PKIB: variants seen among roughly 807,000 people sequenced by gnomAD.
PKIB encodes the protein cAMP-dependent protein kinase inhibitor beta, also known as PKI-beta.
A neutral mutation model predicts 4.5 loss-of-function variants in PKIB; 2 were observed. The observed-to-expected ratio is 0.44, with a 90% CI of 0.18 to 1.39. The LOEUF (loss-of-function observed/expected upper bound fraction) is 1.39, where lower values mean the gene tolerates loss of function less well. Among genes scored for constraint, PKIB ranks in the 40% most tolerant of loss-of-function variants. The pLI is 0.27. For missense variants in PKIB, 94 were observed against 92.6 expected (o/e 1.02, Z -0.06); for synonymous variants, 38 against 36.0 (o/e 1.06, Z -0.20).
At chr6:122,509,700 G>A (rs1252727472) in intron 2 of PKIB, among the ~76,000 whole-genome samples, 2 of 152,008 alleles carry the variant, frequency 1.3e-5, no homozygotes, top group African/African-American at 4.8e-5. Context: ...CAAAGTGCTG[G>A]GATTACAGGT....
In PKIB at chr6:122,660,726, T is replaced by G. The variant is rs566854428; in HGVS notation, c.-75-14352T>G. Among the ~76,000 whole-genome samples the G allele has an allele frequency of 1.1e-4, 17 of 152,306 alleles. No individual in the cohort carries two copies. The East Asian group carries it at 3.3e-3, about 29-fold the overall frequency. On this transcript the variant is annotated intron_variant, in intron 2 of 4. Coordinates refer to ENST00000368452, the MANE Select transcript of PKIB (RefSeq NM_181795.3). The stretch of plus-strand genomic sequence containing the variant: ...CTAAAGGATTAAGCTAAAATGATCA[T>G]GTTTATTATTAAGCAACCAAAGGAA...
rs370367632 is a variant in PKIB at position 122,590,673 on chromosome 6, G to T, written c.-161+4666G>T. The stretch of plus-strand genomic sequence containing the variant: ...GTGAATATAGACACCAAAGATATGA[G>T]AATTTTATCTCCATAGTGCATTTTT... On this transcript the variant is annotated intron_variant, in intron 3 of 6. Transcript: ENST00000392491. 7.9e-5 allele frequency among the ~76,000 whole-genome samples: 12 copies of T among 152,270 alleles called. No individual in the cohort carries two copies. In the South Asian group the frequency reaches 2.3e-3, roughly 29 times the overall value.
chr6:122,513,837 T>G (rs1341391150), intron 2 of PKIB, among the ~76,000 whole-genome samples: 1 of 152,220 alleles, frequency 6.6e-6, no homozygotes, highest in Admixed American at 6.5e-5. Context: ...TGCATAGTAT[T>G]GCATAGTGTA....
At chr6:122,522,134 T>C (rs1462402294) in intron 2 of PKIB, among the ~76,000 whole-genome samples, 3 of 133,668 alleles carry the variant, frequency 2.2e-5, no homozygotes, top group African/African-American at 5.2e-5. Context: ...GAACAGCAAG[T>C]AATAAGTCAT....
chr6:122,501,079 A>G (rs562644382), intron 2 of PKIB, among the ~76,000 whole-genome samples: 14 of 152,212 alleles, frequency 9.2e-5, no homozygotes, highest in African/African-American at 3.1e-4. Flanking sequence ...GTCAAACCAT[A>G]TCATTCTGCC....
intron 3 of PKIB, among the ~76,000 whole-genome samples, chr6:122,591,026 A>C (rs1774002758): frequency 6.6e-6 from 1 of 152,006 alleles, no homozygotes; most frequent in South Asian, 2.1e-4. Context: ...TTTTTTAAAA[A>C]AAAAAACAGA....
chr6:122,660,734 A>T (rs930596217), intron 2 of PKIB, among the ~76,000 whole-genome samples: 3 of 152,220 alleles, frequency 2.0e-5, no homozygotes, highest in Non-Finnish European at 4.4e-5. Context: ...CATGTTTATT[A>T]TTAAGCAACC....
intron 2 of PKIB, among the ~76,000 whole-genome samples, chr6:122,529,845 C>T (rs573275358): frequency 5.9e-5 from 9 of 151,996 alleles, no homozygotes; most frequent in African/African-American, 2.2e-4. Flanking sequence ...TCTCTTTTTT[C>T]CTTTCTGTGT....
At chr6:122,604,845 G>T (rs945386416) in intron 3 of PKIB, among the ~76,000 whole-genome samples, 1 of 152,146 alleles carries the variant, frequency 6.6e-6, no homozygotes, top group African/African-American at 2.4e-5. Flanking sequence ...GATCAGGAGT[G>T]GGGAGAGACA....
At chr6:122,679,865 G>A (rs1179143786) in intron 3 of PKIB, among the ~76,000 whole-genome samples, 1 of 152,190 alleles carries the variant, frequency 6.6e-6, no homozygotes, top group Non-Finnish European at 1.5e-5. Flanking sequence ...GAACTCCAAA[G>A]AAGTGGAAGC....
intron 2 of PKIB, among the ~76,000 whole-genome samples, chr6:122,486,372 C>T (rs1213057390): frequency 6.6e-6 from 1 of 152,022 alleles, no homozygotes; most frequent in Non-Finnish European, 1.5e-5. Flanking sequence ...ATTATTTGTT[C>T]TCTTGTTTTG....
chr6:122,492,709 C>T (rs1002846516), intron 2 of PKIB, among the ~76,000 whole-genome samples: 1 of 151,048 alleles, frequency 6.6e-6, no homozygotes, highest in Non-Finnish European at 1.5e-5. Flanking sequence ...GTAATTTAAG[C>T]ATAAGAGGTT....
intron 2 of PKIB, among the ~76,000 whole-genome samples, chr6:122,657,670 CT>C (rs1776826551): frequency 6.6e-6 from 1 of 152,174 alleles, no homozygotes; most frequent in Non-Finnish European, 1.5e-5. Context: ...TGGAATCTTT[CT>C]TACATTGATA....
chr6:122,483,583 T>G (rs1775686237), intron 2 of PKIB: 1 of 152,188 alleles, frequency 6.6e-6, no homozygotes. Flanking sequence ...TACCCAGAGA[T>G]GAGTAACTCA....
At chr6:122,719,131 G>T (rs1378345876) in intron 4 of PKIB, among the ~76,000 whole-genome samples, 1 of 152,056 alleles carries the variant, frequency 6.6e-6, no homozygotes, top group Non-Finnish European at 1.5e-5. Flanking sequence ...GGTAGAGAAG[G>T]CAATTACTTG....
Position 122,671,031 on chromosome 6 carries a change from C to T in PKIB, c.-75-4047C>T, listed in dbSNP as rs764064160. 6.6e-4 allele frequency among the ~76,000 whole-genome samples: 101 copies of T among 152,252 alleles called. 3 individuals are homozygous for T. The highest frequency in any genetic ancestry group is 3.4e-3 in the Middle Eastern group (1 of 294). On this transcript the variant is annotated intron_variant, in intron 2 of 4. Coordinates refer to ENST00000368452, the MANE Select transcript of PKIB (RefSeq NM_181795.3). ...TGAAGAGGCCAGGCGCGGTGGCTCA[C>T]GCCTGTAATCCCAGCACTTTGGGAG...
At chr6:122,588,594 A>C (rs1773923367) in intron 3 of PKIB, among the ~76,000 whole-genome samples, 1 of 152,168 alleles carries the variant, frequency 6.6e-6, no homozygotes, top group Non-Finnish European at 1.5e-5. Context: ...AGACCAATGG[A>C]ACAGAATTTT....
At chr6:122,525,558 A>C (rs893915177) in intron 2 of PKIB, among the ~76,000 whole-genome samples, 2 of 152,226 alleles carry the variant, frequency 1.3e-5, no homozygotes, top group Non-Finnish European at 2.9e-5. Context: ...ACAACGAAGC[A>C]AGTCACAGAT....
intron 2 of PKIB, among the ~76,000 whole-genome samples, chr6:122,506,182 TG>T (rs1562232694): frequency 6.6e-6 from 1 of 152,174 alleles, no homozygotes; most frequent in Non-Finnish European, 1.5e-5. Flanking sequence ...GTAACACAGA[TG>T]TTTTTTCACC....
Sources: allele counts gnomAD v4.1 joint callset (sites outside exome capture counted in the v4.1 genomes callset), GRCh38; gene constraint gnomAD v4.1.1; transcripts MANE v1.5; gene names NCBI Gene and HGNC (gene_info 2026-07-23, HGNC 2026-07-21).